Variants in CSMD3 observed in about 807,000 individuals in gnomAD.
CSMD3 encodes the protein CUB and Sushi multiple domains 3.
CSMD3 carries 177 observed loss-of-function variants against 435.2 expected under a neutral mutation model. That is an observed-to-expected ratio of 0.41 (90% CI 0.36 to 0.46). The LOEUF (loss-of-function observed/expected upper bound fraction) is 0.46, where lower values mean the gene tolerates loss of function less well. Among genes scored for constraint, CSMD3 ranks in the 20% least tolerant of loss-of-function variants. CSMD3 has a pLI of 0.34. For missense variants in CSMD3, 4,265 were observed against 4,504.6 expected (o/e 0.95, Z 1.52); for synonymous variants, 1,656 against 1,520.5 (o/e 1.09, Z -2.07).
chr8:113,393,360 A>G (rs1295601046), intron 1 of CSMD3, among the ~76,000 whole-genome samples: 2 of 152,142 alleles, frequency 1.3e-5, no homozygotes, highest in Non-Finnish European at 2.9e-5. Flanking sequence ...TTCTGAAGAT[A>G]TAAAAGTAAC....
Position 112,810,834 on chromosome 8 carries a change from C to A in CSMD3, c.1860-10560G>T, listed in dbSNP as rs2079205213. Among the ~76,000 whole-genome samples the A allele has an allele frequency of 2.6e-5, 4 of 152,052 alleles. No homozygotes were observed. The South Asian group carries it at 8.3e-4, about 32-fold the overall frequency. On this transcript the variant is annotated intron_variant, in intron 12 of 70. Coordinates refer to ENST00000297405, the MANE Select transcript of CSMD3 (RefSeq NM_198123.2). ...ATTTAAAAATTTAGATATTTGAGTT[C>A]TAGGGTTAAGTTACACCTTAGGCTT...
chr8:112,846,894 A>G (rs926057002), intron 11 of CSMD3, among the ~76,000 whole-genome samples: 1 of 152,094 alleles, frequency 6.6e-6, no homozygotes, highest in African/African-American at 2.4e-5. Context: ...TTCACTTAAG[A>G]GGAGGGGAAA....
chr8:113,381,145 A>C (rs1407816442), intron 1 of CSMD3, among the ~76,000 whole-genome samples: 1 of 152,192 alleles, frequency 6.6e-6, no homozygotes, highest in Non-Finnish European at 1.5e-5. Context: ...ATTTGACAAA[A>C]CTGGTATGAA....
At chr8:112,551,277 CA>C (rs1198764928) in intron 26 of CSMD3, among the ~76,000 whole-genome samples, 1 of 151,926 alleles carries the variant, frequency 6.6e-6, no homozygotes, top group Non-Finnish European at 1.5e-5. Context: ...CTTAATTTTA[CA>C]AATATGGCAA....
intron 1 of CSMD3, among the ~76,000 whole-genome samples, chr8:113,373,098 G>A (rs10111690): frequency 0.93 from 142,253 of 152,270 alleles, 66,561 homozygotes; most frequent in East Asian, 1. Context: ...GGGATTAGCT[G>A]CTAGTACCAA....
chr8:112,992,257 CT>C (rs954788482), intron 6 of CSMD3, among the ~76,000 whole-genome samples: 1 of 151,464 alleles, frequency 6.6e-6, no homozygotes, highest in East Asian at 1.9e-4. Flanking sequence ...CTCCCTCTAT[CT>C]TTTTTTCTTT....
intron 4 of CSMD3, among the ~76,000 whole-genome samples, chr8:113,143,013 A>C (rs1414392869): frequency 6.6e-6 from 1 of 150,992 alleles, no homozygotes; most frequent in East Asian, 1.9e-4. Context: ...AAAATATAAA[A>C]CTATAAAACA....
chr8:113,109,042 G>T (rs1364303933), intron 4 of CSMD3, among the ~76,000 whole-genome samples: 1 of 152,118 alleles, frequency 6.6e-6, no homozygotes, highest in East Asian at 1.9e-4. Flanking sequence ...TTATACAGCT[G>T]CCATAATCAA....
intron 22 of CSMD3, among the ~76,000 whole-genome samples, chr8:112,620,953 C>G (rs1834020916): frequency 6.6e-6 from 1 of 152,078 alleles, no homozygotes; most frequent in Non-Finnish European, 1.5e-5. Context: ...ACATATATGG[C>G]AGGCCAGGTG....
chr8:112,590,135 T>C (rs1586748103), intron 22 of CSMD3, among the ~76,000 whole-genome samples: 1 of 152,108 alleles, frequency 6.6e-6, no homozygotes, highest in African/African-American at 2.4e-5. Context: ...AATAAATTTA[T>C]AGGTTGATTC....
intron 6 of CSMD3, among the ~76,000 whole-genome samples, chr8:113,002,491 T>A (rs1202155113): frequency 6.6e-6 from 1 of 152,112 alleles, no homozygotes; most frequent in East Asian, 1.9e-4. Context: ...CCTTTAATGA[T>A]GCAATTAGCT....
At chr8:113,067,526 A>C (rs1483114777) in intron 5 of CSMD3, among the ~76,000 whole-genome samples, 1 of 152,112 alleles carries the variant, frequency 6.6e-6, no homozygotes, top group African/African-American at 2.4e-5. Flanking sequence ...AAAAATTATT[A>C]CAATTTTGCC....
chr8:112,580,739 A>T (rs1243596781), intron 23 of CSMD3, among the ~76,000 whole-genome samples: 1 of 152,088 alleles, frequency 6.6e-6, no homozygotes, highest in Admixed American at 6.6e-5. Context: ...TGGATGCCCA[A>T]TTGTACTGCT....
Position 112,761,680 on chromosome 8 carries a change from A to AT in CSMD3, c.1972+38481dup, listed in dbSNP as rs35902915. On this transcript the variant is annotated intron_variant, in intron 13 of 70. Transcript: ENST00000297405. ...GTCTTTAAAACTATACTATACAAAC[A>AT]TTTTTTATTTTGCATCTCCATCAGT... 5.3e-5 allele frequency among the ~76,000 whole-genome samples: 8 copies of AT among 152,142 alleles called. No homozygotes were observed. In the East Asian group the frequency reaches 1.2e-3, roughly 22 times the overall value.
intron 2 of CSMD3, among the ~76,000 whole-genome samples, chr8:113,300,168 A>AAC (rs1229434640): frequency 6.9e-6 from 1 of 145,626 alleles, no homozygotes; most frequent in Non-Finnish European, 1.5e-5. Flanking sequence ...AAGTCAAAAA[A>AAC]AAAAAAAAAA....
chr8:113,007,342 G>C (rs1029506331), intron 6 of CSMD3, among the ~76,000 whole-genome samples: 1 of 151,836 alleles, frequency 6.6e-6, no homozygotes, highest in Non-Finnish European at 1.5e-5. Context: ...ACTGTAAAGA[G>C]GTAATAAAGT....
At chr8:112,572,415 T>C (rs186714943) in intron 24 of CSMD3, among the ~76,000 whole-genome samples, 93 of 152,234 alleles carry the variant, frequency 6.1e-4, no homozygotes, top group African/African-American at 2.2e-3. Context: ...TTTCATACAA[T>C]GAGTCATTGT....
At chr8:112,244,224 T>A (rs1814466394) in intron 65 of CSMD3, among the ~76,000 whole-genome samples, 170 bp downstream of exon 65, 1 of 152,110 alleles carries the variant, frequency 6.6e-6, no homozygotes, top group South Asian at 2.1e-4. Context: ...AATAGACTCA[T>A]AAAATTTATA....
At chr8:113,408,748 C>G (rs1161062042) in intron 1 of CSMD3, among the ~76,000 whole-genome samples, 1 of 151,710 alleles carries the variant, frequency 6.6e-6, no homozygotes, top group Non-Finnish European at 1.5e-5. Context: ...ACCTCTCCCT[C>G]CTGGGTTCAA....
Sources: allele counts gnomAD v4.1 joint callset (sites outside exome capture counted in the v4.1 genomes callset), GRCh38; gene constraint gnomAD v4.1.1; transcripts MANE v1.5; gene names NCBI Gene and HGNC (gene_info 2026-07-23, HGNC 2026-07-21).